Variants in STIM1 observed in about 807,000 individuals in gnomAD.
The protein encoded by STIM1 is stromal interaction molecule 1.
A neutral mutation model predicts 74.7 loss-of-function variants in STIM1; 25 were observed. The observed-to-expected ratio is 0.33, with a 90% CI of 0.24 to 0.47. The LOEUF (loss-of-function observed/expected upper bound fraction) is 0.47. Among genes scored for constraint, STIM1 ranks in the 20% least tolerant of loss-of-function variants. STIM1 has a pLI of 1.00. For synonymous variants in STIM1, 328 were observed against 348.8 expected (o/e 0.94, Z 0.66); for missense variants, 728 against 920.8 (o/e 0.79, Z 2.71).
intron 1 of STIM1, among the ~76,000 whole-genome samples, chr11:3,894,822 T>C (rs2092007242): frequency 6.6e-6 from 1 of 151,936 alleles, no homozygotes. Context: ...CACTGCAACC[T>C]CCGCCTTCCG....
chr11:3,974,226 G>C (rs1365726989), intron 2 of STIM1: 1 of 417,414 alleles, frequency 2.4e-6, no homozygotes, highest in Non-Finnish European at 4.3e-6. Flanking sequence ...AAGAGACTCT[G>C]TCTTAGACAT....
intron 2 of STIM1, among the ~76,000 whole-genome samples, chr11:4,015,990 T>C (rs755240358): frequency 3.9e-5 from 6 of 152,216 alleles, no homozygotes; most frequent in Non-Finnish European, 8.8e-5. Context: ...GGTTAGAACA[T>C]GCTCCTTTAG....
intron 1 of STIM1, among the ~76,000 whole-genome samples, chr11:3,866,100 A>C (rs1055606374): frequency 5.3e-5 from 8 of 152,172 alleles, no homozygotes; most frequent in Admixed American, 3.3e-4. Flanking sequence ...TTCCAGCCCC[A>C]GACCACTTTA....
chr11:3,925,310 G>A (rs1361139551), intron 1 of STIM1, among the ~76,000 whole-genome samples: 1 of 152,208 alleles, frequency 6.6e-6, no homozygotes, highest in African/African-American at 2.4e-5. Context: ...CAGGAGAATC[G>A]CTTAAACCTG....
At chr11:3,980,755 C>T (rs1315203450) in intron 2 of STIM1, among the ~76,000 whole-genome samples, 1 of 151,990 alleles carries the variant, frequency 6.6e-6, no homozygotes, top group Non-Finnish European at 1.5e-5. Context: ...GGTTTCGGAA[C>T]CTCAGCATTA....
At chr11:3,899,172 T>C (rs1313190890) in intron 1 of STIM1, among the ~76,000 whole-genome samples, 1 of 152,222 alleles carries the variant, frequency 6.6e-6, no homozygotes, top group Non-Finnish European at 1.5e-5. Flanking sequence ...TCCATTTGTT[T>C]GTATCCTCTT....
At chr11:3,892,198 T>A (rs2091916166) in intron 1 of STIM1, among the ~76,000 whole-genome samples, 1 of 152,212 alleles carries the variant, frequency 6.6e-6, no homozygotes, top group African/African-American at 2.4e-5. Flanking sequence ...ATTTAGTGTT[T>A]ATTTCATAAT....
In STIM1 at chr11:3,855,678, G is replaced by T; in HGVS notation, c.-593G>T. 1 of 149,722 alleles carries T rather than the reference G, an allele frequency of 6.7e-6. No homozygotes were observed. The highest frequency in any genetic ancestry group is 2.0e-4 in the South Asian group (1 of 4,880). The allele number at this position is 149,722 out of a possible 1,614,324, so 9.3% of individuals were successfully genotyped here. ...CGCCCGCCTGGAAGCCGCTGTCCTG[G>T]GCCTGGCCGGTGTGCGTCCGCCTGC... On this transcript the variant is annotated 5_prime_UTR_variant, in exon 1 of 13. Transcript: ENST00000526596.
At chr11:4,045,764 T>TC (rs1237903586) in intron 3 of STIM1, among the ~76,000 whole-genome samples, 2 of 141,978 alleles carry the variant, frequency 1.4e-5, no homozygotes, top group Non-Finnish European at 3.1e-5. Flanking sequence ...CAACACTTCT[T>TC]TTTTTTTTTT....
chr11:3,862,660 A>T (rs764054478), intron 1 of STIM1, among the ~76,000 whole-genome samples: 24 of 151,602 alleles, frequency 1.6e-4, no homozygotes, highest in Non-Finnish European at 3.4e-4. Context: ...GTTAGCCAGG[A>T]TGGTCTCGAT....
At chr11:3,986,362 A>G (rs907871433) in intron 2 of STIM1, among the ~76,000 whole-genome samples, 1 of 152,204 alleles carries the variant, frequency 6.6e-6, no homozygotes, top group Non-Finnish European at 1.5e-5. Context: ...TGGAGTAACA[A>G]GTATGATGTC....
intron 1 of STIM1, among the ~76,000 whole-genome samples, chr11:3,902,139 A>G (rs1166067602): frequency 6.6e-6 from 1 of 152,242 alleles, no homozygotes; most frequent in Admixed American, 6.5e-5. Flanking sequence ...ACACTGCCTC[A>G]TGGAACTTAA....
At chr11:4,014,629 T>A (rs906138394) in intron 2 of STIM1, among the ~76,000 whole-genome samples, 11 of 152,200 alleles carry the variant, frequency 7.2e-5, no homozygotes, top group Admixed American at 1.3e-4. Flanking sequence ...CTTGTTTATC[T>A]GTCTAATATT....
chr11:3,932,522 C>T (rs902323865), intron 1 of STIM1, among the ~76,000 whole-genome samples: 8 of 151,820 alleles, frequency 5.3e-5, no homozygotes, highest in Admixed American at 1.3e-4. Flanking sequence ...ATCAGCCGGG[C>T]GTGGTGGCGG....
chr11:4,051,356 T>C (rs1021275305), intron 3 of STIM1, among the ~76,000 whole-genome samples: 8 of 151,994 alleles, frequency 5.3e-5, no homozygotes, highest in Non-Finnish European at 1.0e-4. Flanking sequence ...CTTTTTTTTT[T>C]TTTTGAGATG....
Position 4,070,456 on chromosome 11 carries a change from C to T in STIM1, c.791+253C>T, listed in dbSNP as rs189812907. On this transcript the variant is annotated intron_variant, in intron 6 of 12. Coordinates refer to ENST00000526596, the MANE Select transcript of STIM1 (RefSeq NM_001382567.1). ...CTTCAGAGGGAGAAATGTGTAGCTGCCAGAGGTCTTGAGCTTCCCATTGCT... is the reference window on the plus strand; with the variant it reads ...CTTCAGAGGGAGAAATGTGTAGCTGTCAGAGGTCTTGAGCTTCCCATTGCT... Among the ~76,000 whole-genome samples, 40 of 152,300 alleles carry T rather than the reference C, an allele frequency of 2.6e-4. No individual in the cohort carries two copies. The East Asian group carries it at 5.4e-3, about 21-fold the overall frequency.
intron 1 of STIM1, among the ~76,000 whole-genome samples, chr11:3,931,768 A>G (rs139899844): frequency 1.3e-5 from 2 of 152,318 alleles, no homozygotes; most frequent in Admixed American, 1.3e-4. Flanking sequence ...CCTTAGAATG[A>G]CACTGTATGG....
intron 3 of STIM1, among the ~76,000 whole-genome samples, chr11:4,036,334 T>C (rs570010360): frequency 2.4e-4 from 37 of 152,326 alleles, no homozygotes; most frequent in Non-Finnish European, 4.0e-4. Flanking sequence ...CATTTATCTT[T>C]ATAATAGAAT....
At chr11:4,009,079 C>T (rs2093809834) in intron 2 of STIM1, among the ~76,000 whole-genome samples, 1 of 142,166 alleles carries the variant, frequency 7.0e-6, no homozygotes, top group Non-Finnish European at 1.5e-5. Flanking sequence ...ATCACGAGGT[C>T]AGGAGATCGA....
Sources: allele counts gnomAD v4.1 joint callset (sites outside exome capture counted in the v4.1 genomes callset), GRCh38; gene constraint gnomAD v4.1.1; transcripts MANE v1.5; gene names NCBI Gene and HGNC (gene_info 2026-07-23, HGNC 2026-07-21).